GTF2IRD1: variants seen among roughly 807,000 people sequenced by gnomAD.
GTF2IRD1 encodes the protein GTF2I repeat domain containing 1, also known as general transcription factor II-I repeat domain-containing protein 1.
A neutral mutation model predicts 113.2 loss-of-function variants in GTF2IRD1; 26 were observed. The ratio of observed to expected loss-of-function variants is 0.23; its 90% confidence interval spans 0.17 to 0.32. The LOEUF (loss-of-function observed/expected upper bound fraction) is 0.32, where lower values mean the gene tolerates loss of function less well. GTF2IRD1 is among the 10% of genes least tolerant of loss of function. The probability of loss-of-function intolerance (pLI) is 1.00; values close to 1 mark genes in which losing one functional copy is unlikely to be tolerated. For synonymous variants in GTF2IRD1, 484 were observed against 529.1 expected (o/e 0.91, Z 1.17); for missense variants, 864 against 1,280.8 (o/e 0.67, Z 4.97).
chr7:74,513,004 C>T (rs782217840), intron 3 of GTF2IRD1, 33 bp downstream of exon 3: 51 of 1,605,506 alleles, frequency 3.2e-5, no homozygotes, highest in Non-Finnish European at 3.6e-5. Flanking sequence ...GGGCCGGGCC[C>T]GCCATTTCCC....
At chr7:74,568,986 C>T (rs1800519429) in intron 22 of GTF2IRD1, among the ~76,000 whole-genome samples, 1 of 152,182 alleles carries the variant, frequency 6.6e-6, no homozygotes, top group Non-Finnish European at 1.5e-5. Flanking sequence ...CTGCACACAG[C>T]TGAAATCCCC....
rs1792955478 is a variant in GTF2IRD1 at position 74,456,088 on chromosome 7, C to T, written c.-7+1912C>T. On this transcript the variant is annotated intron_variant, in intron 1 of 26. Transcript: ENST00000424337. ...CATTGAAGGCAGCCTCCCAGGAGCC[C>T]GGCTAGCCTTCTGATGAGGTGGTAG... 2.0e-5 allele frequency among the ~76,000 whole-genome samples: 3 copies of T among 152,130 alleles called. 1 individual carries two copies. Among genetic ancestry groups the T allele is most frequent in the African/African-American group, 7.2e-5 (3 of 41,420 alleles).
chr7:74,530,446 G>A (rs894919515), intron 9 of GTF2IRD1, among the ~76,000 whole-genome samples: 1 of 150,586 alleles, frequency 6.6e-6, no homozygotes. Context: ...TTTGAGGATT[G>A]AATGGAAAAT....
intron 1 of GTF2IRD1, among the ~76,000 whole-genome samples, chr7:74,472,894 C>A (rs1317903023): frequency 6.6e-6 from 1 of 152,184 alleles, no homozygotes; most frequent in African/African-American, 2.4e-5. Flanking sequence ...CCCAAGCTGG[C>A]CCCACAGCTG....
chr7:74,532,172 C>T (rs587600317), intron 9 of GTF2IRD1, among the ~76,000 whole-genome samples: 32 of 152,278 alleles, frequency 2.1e-4, no homozygotes, highest in African/African-American at 7.5e-4. Flanking sequence ...CCAATGCCCC[C>T]CCAGGGAATG....
intron 14 of GTF2IRD1, among the ~76,000 whole-genome samples, chr7:74,543,285 A>G (rs1374625315): frequency 6.6e-6 from 1 of 150,666 alleles, no homozygotes; most frequent in African/African-American, 2.4e-5. Context: ...CTGGGTGACA[A>G]GAGCGAAACT....
rs139060932 is a variant in GTF2IRD1, at chr7:74,554,297, G to A, written c.1917-877G>A. Among the ~76,000 whole-genome samples, 1,152 of 152,300 alleles carry A rather than the reference G, an allele frequency of 7.6e-3. 4 individuals are homozygous for A. The highest frequency in any genetic ancestry group is 0.041 in the Middle Eastern group (12 of 294). On this transcript the variant is annotated intron_variant, in intron 17 of 26. Transcript: ENST00000424337. Reference sequence around the variant, plus strand: ...CCCCACAACAGGCTTGCTCTAACAGGACAAGTTGTGCTGAAGATGGGGCCT... The same window carrying A: ...CCCCACAACAGGCTTGCTCTAACAGAACAAGTTGTGCTGAAGATGGGGCCT...
intron 1 of GTF2IRD1, among the ~76,000 whole-genome samples, chr7:74,462,597 C>T (rs761096655): frequency 6.6e-6 from 1 of 152,192 alleles, no homozygotes; most frequent in African/African-American, 2.4e-5. Context: ...TCTAGCAAAC[C>T]GGCTTGGCCG....
At chr7:74,466,770 CACAG>C (rs1463088109) in intron 1 of GTF2IRD1, among the ~76,000 whole-genome samples, 14 of 152,120 alleles carry the variant, frequency 9.2e-5, no homozygotes, top group South Asian at 2.1e-4. Flanking sequence ...CTGTCACCTT[CACAG>C]ACAGAGTGTG....
At chr7:74,599,799 C>T (rs1052205332) in intron 25 of GTF2IRD1, among the ~76,000 whole-genome samples, 1 of 152,056 alleles carries the variant, frequency 6.6e-6, no homozygotes, top group African/African-American at 2.4e-5. Context: ...CTGGGATTAC[C>T]AGTGTGAGCC....
At chr7:74,541,158 G>A (rs1312434333) in intron 14 of GTF2IRD1, among the ~76,000 whole-genome samples, 1 of 151,854 alleles carries the variant, frequency 6.6e-6, no homozygotes, top group Non-Finnish European at 1.5e-5. Flanking sequence ...CCACCTGCTG[G>A]GGTACACATC....
chr7:74,509,713 G>A (rs968490093), intron 2 of GTF2IRD1, among the ~76,000 whole-genome samples: 4 of 151,376 alleles, frequency 2.6e-5, no homozygotes, highest in Non-Finnish European at 4.4e-5. Context: ...TCGCTCTGTC[G>A]CCAGGCTGGA....
intron 26 of GTF2IRD1, 110 bp from the exon 27 acceptor site, chr7:74,602,255 A>C: frequency 7.4e-7 from 1 of 1,355,918 alleles, no homozygotes; most frequent in Non-Finnish European, 9.8e-7. Context: ...AAAATAAAAA[A>C]TATAAATAAA....
intron 2 of GTF2IRD1, among the ~76,000 whole-genome samples, chr7:74,511,495 T>C (rs550450412): frequency 6.6e-6 from 1 of 152,258 alleles, no homozygotes; most frequent in Non-Finnish European, 1.5e-5. Flanking sequence ...TAGTCTACAG[T>C]GTTCCCGCGC....
chr7:74,454,253 C>A (rs1414820602), intron 1 of GTF2IRD1, 77 bp downstream of exon 1: 42 of 124,546 alleles, frequency 3.4e-4, no homozygotes, highest in Admixed American at 3.2e-3. Context: ...CGATCCCCTC[C>A]GCCTCCGGGG....
rs1053529622 is a variant in GTF2IRD1 at position 74,480,234 on chromosome 7, G to A, written c.-7+26058G>A. ...TCAAGGGCAGGAGCACCTGCTGTTG[G>A]GCCCTGTGCGGTGTGGGACACAGTG... is the stretch of plus-strand genomic sequence containing the variant. On this transcript the variant is annotated intron_variant, in intron 1 of 26. Transcript: ENST00000424337. Among the ~76,000 whole-genome samples, 8 of 152,052 alleles carry A rather than the reference G, an allele frequency of 5.3e-5. No individual in the cohort carries two copies. The South Asian group carries it at 1.7e-3, about 32-fold the overall frequency.
intron 1 of GTF2IRD1, among the ~76,000 whole-genome samples, chr7:74,481,594 C>A (rs781947718): frequency 6.6e-6 from 1 of 152,154 alleles, no homozygotes; most frequent in Admixed American, 6.5e-5. Context: ...CTGAGATGCA[C>A]GGTCTGGAGT....
At chr7:74,500,365 T>C (rs1795964337) in intron 1 of GTF2IRD1, among the ~76,000 whole-genome samples, 1 of 151,818 alleles carries the variant, frequency 6.6e-6, no homozygotes. Flanking sequence ...GGTGGATCGC[T>C]TGGGCTCGGG....
chr7:74,503,024 G>A (rs1161389348), intron 1 of GTF2IRD1, among the ~76,000 whole-genome samples: 6 of 151,974 alleles, frequency 3.9e-5, no homozygotes, highest in Admixed American at 2.6e-4. Flanking sequence ...AAAATTAGCC[G>A]GGTGTGGTGG....
Sources: gnomAD v4.1 joint callset for allele counts (sites outside exome capture counted in the v4.1 genomes callset) on GRCh38, gnomAD v4.1.1 for gene constraint, MANE v1.5 for transcripts, NCBI Gene and HGNC (gene_info 2026-07-23, HGNC 2026-07-21) for gene names.